The following GALNT13 variants were observed in gnomAD, a reference collection of about 807,000 sequenced individuals.
The protein encoded by GALNT13 is polypeptide N-acetylgalactosaminyltransferase 13.
GALNT13 carries 28 observed loss-of-function variants against 64.2 expected under a neutral mutation model. That is an observed-to-expected ratio of 0.44 (90% CI 0.32 to 0.60). The LOEUF (loss-of-function observed/expected upper bound fraction) is 0.60, where lower values mean the gene tolerates loss of function less well. Ranked by LOEUF, GALNT13 falls within the 20% of genes least tolerant of loss-of-function variation. The pLI is 0.05. For missense variants in GALNT13, 577 were observed against 669.8 expected (o/e 0.86, Z 1.53); for synonymous variants, 214 against 224.6 (o/e 0.95, Z 0.42).
chr2:153,435,419 C>A, the GALNT13 span, among the ~76,000 whole-genome samples: 1 of 152,148 alleles, frequency 6.6e-6, no homozygotes, highest in East Asian at 1.9e-4. Context: ...TTACCTTGGG[C>A]AGTATGGCCA....
At chr2:154,152,804 G>A (rs1001258453) in intron 4 of GALNT13, among the ~76,000 whole-genome samples, 2 of 152,064 alleles carry the variant, frequency 1.3e-5, no homozygotes, top group African/African-American at 4.8e-5. Context: ...GCACTTCTCT[G>A]TATTGGTTAT....
At chr2:154,370,308 AAAC>A (rs1289509118) in intron 9 of GALNT13, among the ~76,000 whole-genome samples, 2 of 152,282 alleles carry the variant, frequency 1.3e-5, no homozygotes, top group African/African-American at 4.8e-5. Context: ...AACAGGTTTA[AAAC>A]AACAAAGTCT....
the GALNT13 span, among the ~76,000 whole-genome samples, chr2:153,859,599 A>C: frequency 6.6e-6 from 1 of 152,216 alleles, no homozygotes; most frequent in African/African-American, 2.4e-5. Flanking sequence ...AAATAAGAAA[A>C]ATAAATAGAT....
the GALNT13 span, among the ~76,000 whole-genome samples, chr2:153,474,449 G>C: frequency 6.6e-6 from 1 of 152,148 alleles, no homozygotes; most frequent in Admixed American, 6.5e-5. Context: ...CAGAAATCAT[G>C]GACCATCTAC....
chr2:154,329,689 C>T (rs1695063821), intron 9 of GALNT13, among the ~76,000 whole-genome samples: 1 of 151,942 alleles, frequency 6.6e-6, no homozygotes, highest in Non-Finnish European at 1.5e-5. Flanking sequence ...GTGTTTGGGT[C>T]ATGGGGGTGT....
the GALNT13 span, among the ~76,000 whole-genome samples, chr2:153,399,470 G>C: frequency 6.6e-6 from 1 of 152,032 alleles, no homozygotes; most frequent in Non-Finnish European, 1.5e-5. Context: ...GAAAGGCATT[G>C]GTAGCTTGAT....
rs938356585 is a variant in GALNT13, at chr2:154,157,844, T to C, written c.311+17339T>C. On this transcript the variant is annotated intron_variant, in intron 4 of 12. Coordinates refer to ENST00000392825, the MANE Select transcript of GALNT13 (RefSeq NM_052917.4). ...ATTGACTTGCCAGCATAATTTGACA[T>C]GGTTGATTATGATCTCCTTTTTGAA... is the stretch of plus-strand genomic sequence containing the variant. Among the ~76,000 whole-genome samples the C allele has an allele frequency of 2.0e-5, 3 of 152,224 alleles. No individual in the cohort carries two copies. The East Asian group carries it at 5.8e-4, about 29-fold the overall frequency.
At chr2:153,347,253 G>A in the GALNT13 span, among the ~76,000 whole-genome samples, 1 of 152,174 alleles carries the variant, frequency 6.6e-6, no homozygotes, top group Non-Finnish European at 1.5e-5. Context: ...AGGGATAGGA[G>A]GGAAAACCTA....
chr2:153,250,121 T>G, the GALNT13 span, among the ~76,000 whole-genome samples: 1 of 151,704 alleles, frequency 6.6e-6, no homozygotes, highest in African/African-American at 2.4e-5. Context: ...TGGGAGAAAA[T>G]TTTTGCAATC....
intron 2 of GALNT13, among the ~76,000 whole-genome samples, chr2:153,906,783 A>G (rs1297323995): frequency 4.6e-5 from 7 of 151,874 alleles, no homozygotes; most frequent in African/African-American, 1.7e-4. Flanking sequence ...GCTGGGTCAA[A>G]TGGTATTTCT....
intron 4 of GALNT13, among the ~76,000 whole-genome samples, chr2:154,158,480 G>T (rs1046414600): frequency 5.9e-5 from 9 of 151,984 alleles, no homozygotes; most frequent in African/African-American, 1.9e-4. Context: ...GTTTGTTTTG[G>T]TTTTGTTTTT....
intron 3 of GALNT13, among the ~76,000 whole-genome samples, chr2:154,023,929 T>G (rs1697737914): frequency 1.3e-5 from 2 of 151,130 alleles, no homozygotes; most frequent in African/African-American, 2.4e-5. Flanking sequence ...GTCTGTAAAG[T>G]ATTTTATTTC....
intron 4 of GALNT13, among the ~76,000 whole-genome samples, chr2:154,217,357 TG>T (rs777033659): frequency 1.3e-5 from 2 of 152,156 alleles, no homozygotes; most frequent in East Asian, 3.9e-4. Context: ...GGACTACATC[TG>T]GCCATTCATT....
At chr2:153,785,074 C>T in the GALNT13 span, among the ~76,000 whole-genome samples, 1 of 152,138 alleles carries the variant, frequency 6.6e-6, no homozygotes, top group African/African-American at 2.4e-5. Context: ...GCAGCAGTTC[C>T]AAACCACCTT....
chr2:153,241,601 C>A, the GALNT13 span, among the ~76,000 whole-genome samples: 3 of 151,970 alleles, frequency 2.0e-5, no homozygotes, highest in East Asian at 5.8e-4. Context: ...AGCCCAGAAA[C>A]CTGGTATACC....
chr2:154,311,917 T>A (rs1409779181), intron 9 of GALNT13, among the ~76,000 whole-genome samples: 1 of 152,244 alleles, frequency 6.6e-6, no homozygotes, highest in East Asian at 1.9e-4. Context: ...GGTCAGAGTT[T>A]AAGGTTATCT....
intron 3 of GALNT13, among the ~76,000 whole-genome samples, chr2:154,119,043 G>T (rs1461040628): frequency 1.3e-5 from 2 of 151,902 alleles, no homozygotes; most frequent in Non-Finnish European, 2.9e-5. Context: ...ATACCATTAG[G>T]TTTTGTGCTT....
the GALNT13 span, among the ~76,000 whole-genome samples, chr2:153,666,681 G>A: frequency 6.6e-6 from 1 of 152,288 alleles, no homozygotes; most frequent in East Asian, 1.9e-4. Context: ...GGGCAGCAAT[G>A]TCAAACCTTA....
At chr2:153,817,335 CA>C in the GALNT13 span, among the ~76,000 whole-genome samples, 1 of 152,210 alleles carries the variant, frequency 6.6e-6, no homozygotes, top group East Asian at 1.9e-4. Context: ...CATACTTTCT[CA>C]TAAAATTCAG....
Sources: allele counts gnomAD v4.1 joint callset (sites outside exome capture counted in the v4.1 genomes callset), GRCh38; gene constraint gnomAD v4.1.1; transcripts MANE v1.5; gene names NCBI Gene and HGNC (gene_info 2026-07-23, HGNC 2026-07-21).